The following URGCP variants were observed in gnomAD, a reference collection of about 807,000 sequenced individuals.
URGCP encodes the protein upregulator of cell proliferation.
In URGCP, 13 loss-of-function variants were observed where a neutral mutation model predicts 24.6. The observed-to-expected ratio is 0.53, with a 90% CI of 0.34 to 0.84. URGCP has a LOEUF of 0.84. Ranked by LOEUF, URGCP falls within the 40% of genes least tolerant of loss-of-function variation. URGCP has a pLI of 0.01. For synonymous variants in URGCP, 444 were observed against 487.2 expected (o/e 0.91, Z 1.17); for missense variants, 899 against 1,194.3 (o/e 0.75, Z 3.64).
At chr7:43,915,031 G>T (rs1368000790) in intron 1 of URGCP, among the ~76,000 whole-genome samples, 1 of 152,222 alleles carries the variant, frequency 6.6e-6, no homozygotes, top group Non-Finnish European at 1.5e-5. Context: ...CACCCCTTAT[G>T]CTGGGAGAGG....
intron 1 of URGCP, among the ~76,000 whole-genome samples, chr7:43,893,922 G>A (rs1172153625): frequency 6.6e-6 from 1 of 152,026 alleles, no homozygotes; most frequent in African/African-American, 2.4e-5. Flanking sequence ...CATGCAAATG[G>A]AAACCAAAAG....
At chr7:43,900,493 GAAAA>G (rs2095888623) in intron 1 of URGCP, among the ~76,000 whole-genome samples, 2 of 144,954 alleles carry the variant, frequency 1.4e-5, no homozygotes, top group Non-Finnish European at 3.0e-5. Context: ...AAAAGAAAAA[GAAAA>G]AAAGTCACAA....
chr7:43,876,454 G>T lies in URGCP; in HGVS notation c.*213C>A. 1 of 590,644 alleles carries T rather than the reference G, an allele frequency of 1.7e-6. No individual in the cohort carries two copies. Among genetic ancestry groups the T allele is most frequent in the South Asian group, 2.1e-5 (1 of 47,388 alleles). 36.6% of individuals were successfully genotyped at this position (590,644 alleles called of 1,614,324 possible). A position where few individuals can be genotyped will look rare whatever the true frequency, so the allele number is the denominator to read the frequency against. ...CTTGTCTCCCTACCCTGGGGGCTGT[G>T]ATATTCTTGGTAACATCTCTGAGCT... On this transcript the variant is annotated 3_prime_UTR_variant, in exon 6 of 6. Coordinates refer to ENST00000453200, the MANE Select transcript of URGCP (RefSeq NM_001077663.3).
At chr7:43,900,604 G>A (rs1315481599) in intron 1 of URGCP, among the ~76,000 whole-genome samples, 1 of 151,952 alleles carries the variant, frequency 6.6e-6, no homozygotes, top group Non-Finnish European at 1.5e-5. Flanking sequence ...TTTAAAGACA[G>A]GAGACAGGGT....
chr7:43,919,247 G>C, intron 1 of URGCP: 1 of 830,574 alleles, frequency 1.2e-6, no homozygotes, highest in Non-Finnish European at 2.1e-6. Context: ...TGGTGGTCCA[G>C]CTTTATAATT....
In URGCP at chr7:43,876,640, A is replaced by C; in HGVS notation, c.*27T>G. 8 of 1,602,504 alleles carry C rather than the reference A, an allele frequency of 5.0e-6. No individual in the cohort carries two copies. The highest frequency in any genetic ancestry group is 1.1e-5 in the South Asian group (1 of 88,994). ...ACAGGGCTGCCCACAGCAGCCTCCT[A>C]CACCTGAACTGGGTTTCTCTGCACA... On this transcript the variant is annotated 3_prime_UTR_variant, in exon 6 of 6. Coordinates refer to ENST00000453200, the MANE Select transcript of URGCP (RefSeq NM_001077663.3).
chr7:43,887,999 G>C (rs867406793), intron 1 of URGCP, 183 bp from the exon 2 acceptor site: 2 of 569,888 alleles, frequency 3.5e-6, no homozygotes, highest in African/African-American at 3.8e-5. Flanking sequence ...AGATATTAGG[G>C]AAAGCTGTTA....
Position 43,879,016 on chromosome 7 carries a change from G to A in URGCP, c.447C>T (p.Ser149=). ...LPDARPVEKE[S]QMEEEIIYWD... ...AGTAGATGATCTCCTCTTCCATCTGGCTCTCCTTCTCCACAGGCCTGGCGT... is the reference window on the plus strand; with the variant it reads ...AGTAGATGATCTCCTCTTCCATCTGACTCTCCTTCTCCACAGGCCTGGCGT... Residue 149 remains serine, a synonymous_variant, in exon 6 of 6, where the codon AGC becomes AGT. Coordinates refer to ENST00000453200, the MANE Select transcript of URGCP (RefSeq NM_001077663.3). The A allele has an allele frequency of 1.2e-6, 2 of 1,614,152 alleles. No individual in the cohort carries two copies. Among genetic ancestry groups the A allele is most frequent in the Non-Finnish European group, 1.7e-6 (2 of 1,180,024 alleles).
intron 1 of URGCP, among the ~76,000 whole-genome samples, chr7:43,925,749 C>G (rs752201440): frequency 1.3e-5 from 2 of 150,036 alleles, no homozygotes; most frequent in Non-Finnish European, 3.0e-5. Context: ...ATCCGCCTGC[C>G]TCGGCCTCCC....
Position 43,877,871 on chromosome 7 carries a change from C to T in URGCP, c.1592G>A (p.Arg531Gln), listed in dbSNP as rs2232099. The T allele has an allele frequency of 1.9e-5, 31 of 1,612,402 alleles. No individual in the cohort carries two copies. Among genetic ancestry groups the T allele is most frequent in the East Asian group, 1.6e-4 (7 of 44,842 alleles). The change falls in exon 6 of 6, where the codon CGG becomes CAG. Residue 531 changes from arginine to glutamine, a missense_variant. Physicochemically the swap from Arg to Gln is conservative, Grantham distance 43 (BLOSUM62 1). Coordinates refer to ENST00000453200, the MANE Select transcript of URGCP (RefSeq NM_001077663.3). ...CTGCTGCATTCGAAGTTCTAGCAGC[C>T]GCCGCCTCAGCTCAGCCCTGTGCTT... is the stretch of plus-strand genomic sequence containing the variant. ...PEKHRAELRR[R>Q]LLELRMQQNG...
At chr7:43,911,423 C>T (rs1230194831), upstream of URGCP, among the ~76,000 whole-genome samples, 7 of 151,486 alleles carry the variant, frequency 4.6e-5, no homozygotes, top group Admixed American at 1.3e-4. Flanking sequence ...GGGCCAGGCG[C>T]GGTGGCTCAC....
intron 1 of URGCP, chr7:43,919,829 G>T: frequency 7.9e-7 from 1 of 1,273,114 alleles, no homozygotes; most frequent in Non-Finnish European, 1.1e-6. Flanking sequence ...GTGGGCGCAT[G>T]ATGGCCAACC....
At chr7:43,904,758 G>A (rs573151674) in intron 1 of URGCP, among the ~76,000 whole-genome samples, 84 of 152,304 alleles carry the variant, frequency 5.5e-4, no homozygotes, top group African/African-American at 1.8e-3. Flanking sequence ...GAGCATCATA[G>A]GGCAAACTTA....
At chr7:43,902,478 AG>A (rs1399042947) in intron 1 of URGCP, among the ~76,000 whole-genome samples, 1 of 152,188 alleles carries the variant, frequency 6.6e-6, no homozygotes, top group Non-Finnish European at 1.5e-5. Flanking sequence ...TCTCCTGGCC[AG>A]AAAGGGACCA....
chr7:43,887,751 C>T lies in URGCP; in HGVS notation c.41+39G>A, dbSNP rs1400219442. ...CTCTCCAAAACTGCTGGCCAGAGCA[C>T]AAATACAGTCATTCAGAAAGACAGA... On this transcript the variant is annotated intron_variant, in intron 2 of 5. Transcript: ENST00000453200. 9.0e-6 allele frequency: 14 copies of T among 1,548,204 alleles called. No homozygotes were observed. In the East Asian group the frequency reaches 2.2e-4, roughly 24 times the overall value.
chr7:43,885,574 C>T (rs1380500992), intron 3 of URGCP, among the ~76,000 whole-genome samples: 8 of 152,094 alleles, frequency 5.3e-5, no homozygotes, highest in Admixed American at 3.9e-4. Context: ...GATCAAAGTT[C>T]GGGGAAGAAC....
intron 1 of URGCP, among the ~76,000 whole-genome samples, chr7:43,905,450 GC>G (rs1158232520): frequency 6.6e-6 from 1 of 152,164 alleles, no homozygotes; most frequent in African/African-American, 2.4e-5. Context: ...CTGCCCCAAA[GC>G]CTAGAAAGAC....
rs189741536 is a variant in URGCP, at chr7:43,892,283, G to C, written c.15-4467C>G. Among the ~76,000 whole-genome samples, 68 of 147,862 alleles carry C rather than the reference G, an allele frequency of 4.6e-4. No individual in the cohort carries two copies. In the East Asian group the frequency reaches 0.013, roughly 29 times the overall value. On this transcript the variant is annotated intron_variant, in intron 1 of 5. Transcript: ENST00000453200. The stretch of plus-strand genomic sequence containing the variant: ...CTGTTGCCTAGGCTGGAGTGCAGTG[G>C]TGCAATCTCGGCTCACTGCAACCTC...
intron 1 of URGCP, among the ~76,000 whole-genome samples, chr7:43,914,082 T>C (rs1427459603): frequency 6.6e-6 from 1 of 152,198 alleles, no homozygotes; most frequent in Non-Finnish European, 1.5e-5. Context: ...TCAAGCTGAT[T>C]TCTTGGGCTC....
Sources: allele counts gnomAD v4.1 joint callset (sites outside exome capture counted in the v4.1 genomes callset), GRCh38; gene constraint gnomAD v4.1.1; transcripts MANE v1.5; gene names NCBI Gene and HGNC (gene_info 2026-07-23, HGNC 2026-07-21).